USH2A: variants seen among roughly 807,000 people sequenced by gnomAD.
USH2A encodes the protein usherin, also known as Usher syndrome 2A (autosomal recessive, mild).
In USH2A, 443 loss-of-function variants were observed where a neutral mutation model predicts 538.9. The ratio of observed to expected loss-of-function variants is 0.82; its 90% CI spans 0.76 to 0.89. The LOEUF (loss-of-function observed/expected upper bound fraction) is 0.89. USH2A is among the 40% of genes least tolerant of loss of function. USH2A has a pLI of 0.00. For synonymous variants in USH2A, 2,413 were observed against 2,273.5 expected (o/e 1.06, Z -1.75); for missense variants, 6,633 against 6,324.8 (o/e 1.05, Z -1.65).
At chr1:216,207,832 T>A (rs534734543) in intron 15 of USH2A, among the ~76,000 whole-genome samples, 1 of 150,316 alleles carries the variant, frequency 6.7e-6, no homozygotes, top group African/African-American at 2.5e-5. Flanking sequence ...GCATAATCTT[T>A]GGGTTTTTGA....
chr1:216,054,473 G>A (rs564558535), intron 30 of USH2A, among the ~76,000 whole-genome samples: 2 of 152,236 alleles, frequency 1.3e-5, no homozygotes, highest in African/African-American at 4.8e-5. Flanking sequence ...AAACAACAGA[G>A]GAGTCTGCTT....
chr1:216,099,166 C>T (rs74143956), intron 21 of USH2A, among the ~76,000 whole-genome samples: 6,849 of 152,214 alleles, frequency 0.045, 489 homozygotes, highest in African/African-American at 0.15. Flanking sequence ...CCATCTTCTA[C>T]GTTTTATGCT....
intron 49 of USH2A, among the ~76,000 whole-genome samples, chr1:215,805,984 C>CAAAAAAAAA (rs57712355): frequency 1.1e-5 from 1 of 93,464 alleles, no homozygotes. Context: ...AAGACACAAT[C>CAAAAAAAAA]AAAAAAAAAA....
At chr1:216,071,259 C>G (rs556935049) in intron 29 of USH2A, among the ~76,000 whole-genome samples, 62 of 152,064 alleles carry the variant, frequency 4.1e-4, no homozygotes, top group Admixed American at 2.1e-3. Flanking sequence ...AGTAGGACAG[C>G]TTTAAGGGAA....
At chr1:215,666,741 G>A (rs1657615496) in intron 64 of USH2A, among the ~76,000 whole-genome samples, 1 of 152,120 alleles carries the variant, frequency 6.6e-6, no homozygotes, top group Non-Finnish European at 1.5e-5. Flanking sequence ...CTCACCCTCT[G>A]AGGCAGTATT....
chr1:216,030,875 A>G (rs1271094118), intron 32 of USH2A, among the ~76,000 whole-genome samples: 1 of 151,600 alleles, frequency 6.6e-6, no homozygotes, highest in Non-Finnish European at 1.5e-5. Flanking sequence ...AAATTATCAA[A>G]GGAATTTTGT....
chr1:216,289,377 A>T lies in USH2A; in HGVS notation c.1874T>A (p.Phe625Tyr). Residue 625 changes from phenylalanine to tyrosine, a missense_variant, in exon 11 of 72, where the codon TTC (phenylalanine) becomes TAC (tyrosine). Phe to Tyr is a conservative substitution (Grantham distance 22). Coordinates refer to ENST00000307340, the MANE Select transcript of USH2A (RefSeq NM_206933.4). ...RNCELCKDYF[F>Y]RQVGADPSAI... The stretch of plus-strand genomic sequence containing the variant: ...CGAAGGATCTGCACCAACTTGTCGG[A>T]AAAAGTAATCCTTGCACAGCTCACA... 6.2e-7 allele frequency: 1 copy of T among 1,613,940 alleles called. No homozygotes were observed. Among genetic ancestry groups the T allele is most frequent in the Non-Finnish European group, 8.5e-7 (1 of 1,179,816 alleles).
chr1:215,882,525 G>C (rs1366204608), intron 41 of USH2A, among the ~76,000 whole-genome samples: 1 of 152,020 alleles, frequency 6.6e-6, no homozygotes, highest in Non-Finnish European at 1.5e-5. Context: ...GACAGAGAAA[G>C]AGTACAAATA....
chr1:216,273,015 C>T (rs2036604847), intron 11 of USH2A, among the ~76,000 whole-genome samples: 1 of 152,038 alleles, frequency 6.6e-6, no homozygotes, highest in Non-Finnish European at 1.5e-5. Flanking sequence ...AACACAACAA[C>T]AGCAAAGCCA....
At chr1:215,973,677 CT>C (rs1667550835) in intron 35 of USH2A, among the ~76,000 whole-genome samples, 1 of 87,518 alleles carries the variant, frequency 1.1e-5, no homozygotes, top group African/African-American at 4.8e-5. Flanking sequence ...TTTTTTTTGT[CT>C]ATCTGACTCT....
At chr1:216,323,279 TATATA>T (rs1558037548) in intron 8 of USH2A, among the ~76,000 whole-genome samples, 190 bp downstream of exon 8, 590 of 47,620 alleles carry the variant, frequency 0.012, 4 homozygotes, top group African/African-American at 0.029. Context: ...ATACGTTTTA[TATATA>T]TATATATATA....
intron 56 of USH2A, among the ~76,000 whole-genome samples, chr1:215,764,189 G>C (rs568385419): frequency 6.6e-6 from 1 of 152,244 alleles, no homozygotes; most frequent in African/African-American, 2.4e-5. Context: ...GATAAAGCCA[G>C]TACTCGAAAA....
chr1:215,686,289 A>T (rs1408489520), intron 61 of USH2A, among the ~76,000 whole-genome samples: 3 of 152,118 alleles, frequency 2.0e-5, no homozygotes, highest in Non-Finnish European at 4.4e-5. Flanking sequence ...GAGAAATACT[A>T]AGGAAATACT....
intron 50 of USH2A, among the ~76,000 whole-genome samples, chr1:215,798,078 G>A (rs6691059): frequency 0.71 from 107,331 of 151,986 alleles, 38,399 homozygotes; most frequent in African/African-American, 0.81. Flanking sequence ...CTCAAAATGG[G>A]AAAAATAACT....
intron 37 of USH2A, among the ~76,000 whole-genome samples, chr1:215,940,895 G>A (rs532153892): frequency 6.6e-6 from 1 of 152,222 alleles, no homozygotes; most frequent in South Asian, 2.1e-4. Flanking sequence ...AGATGCTTCA[G>A]ACACATTTGT....
chr1:215,686,186 T>C (rs1658418449), intron 61 of USH2A, among the ~76,000 whole-genome samples: 1 of 152,138 alleles, frequency 6.6e-6, no homozygotes, highest in Non-Finnish European at 1.5e-5. Flanking sequence ...TAACACAGAC[T>C]CTTGACTCTG....
chr1:215,889,057 G>C lies in USH2A; in HGVS notation c.7595-3C>G, dbSNP rs201657446. The C allele has an allele frequency of 7.5e-5, 121 of 1,613,146 alleles. No homozygotes were observed. Among genetic ancestry groups the C allele is most frequent in the Non-Finnish European group, 1.0e-4 (119 of 1,180,016 alleles). ...CGGAGGAACTACAGGTCCAGGTTCT[G>C]TAAAGTAAAATAAATCCAGAAAGTC... On this transcript the variant is annotated splice_polypyrimidine_tract_variant and splice_region_variant and intron_variant, in intron 40 of 71. Transcript: ENST00000307340.
At chr1:216,208,820 T>C (rs1416962951) in intron 15 of USH2A, among the ~76,000 whole-genome samples, 1 of 152,134 alleles carries the variant, frequency 6.6e-6, no homozygotes, top group East Asian at 1.9e-4. Flanking sequence ...CCAGTAGAGA[T>C]AGAATGGGCC....
intron 56 of USH2A, among the ~76,000 whole-genome samples, chr1:215,760,780 A>C (rs893915917): frequency 4.6e-5 from 7 of 152,140 alleles, no homozygotes; most frequent in Admixed American, 1.3e-4. Flanking sequence ...ACTTTCCTGT[A>C]TCTTTACTTT....
Sources: allele counts gnomAD v4.1 joint callset (sites outside exome capture counted in the v4.1 genomes callset), GRCh38; gene constraint gnomAD v4.1.1; transcripts MANE v1.5; gene names NCBI Gene and HGNC (gene_info 2026-07-23, HGNC 2026-07-21).